Variants in SDK1 observed in about 807,000 individuals in gnomAD.
SDK1 encodes the protein protein sidekick-1.
A neutral mutation model predicts 245.5 loss-of-function variants in SDK1; 157 were observed. That is an observed-to-expected ratio of 0.64 (90% confidence interval 0.56 to 0.73). The LOEUF is 0.73. Among genes scored for constraint, SDK1 ranks in the 30% least tolerant of loss-of-function variants. The pLI, the probability that SDK1 is intolerant of heterozygous loss-of-function variation, is 0.00. For synonymous variants in SDK1, 1,647 were observed against 1,278.5 expected (o/e 1.29, Z -6.15); for missense variants, 3,583 against 3,002.3 (o/e 1.19, Z -4.52).
intron 4 of SDK1, among the ~76,000 whole-genome samples, chr7:3,775,033 G>C (rs187364612): frequency 6.6e-6 from 1 of 152,176 alleles, no homozygotes; most frequent in African/African-American, 2.4e-5. Context: ...GGCGCTGATC[G>C]ATGGCAGGGT....
intron 1 of SDK1, among the ~76,000 whole-genome samples, chr7:3,444,665 T>A (rs923618330): frequency 1.3e-5 from 2 of 152,320 alleles, no homozygotes; most frequent in Non-Finnish European, 2.9e-5. Flanking sequence ...TATATTTCTT[T>A]TCAACAGTCA....
chr7:3,639,805 A>C (rs1782593558), intron 3 of SDK1, among the ~76,000 whole-genome samples: 1 of 151,878 alleles, frequency 6.6e-6, no homozygotes, highest in Non-Finnish European at 1.5e-5. Flanking sequence ...TATATATAAT[A>C]GAGACATAAC....
intron 17 of SDK1, among the ~76,000 whole-genome samples, chr7:4,034,997 G>A (rs1788109934): frequency 6.6e-6 from 1 of 152,056 alleles, no homozygotes; most frequent in African/African-American, 2.4e-5. Context: ...ATTTTTTTTG[G>A]AGACGGAGTC....
intron 1 of SDK1, among the ~76,000 whole-genome samples, chr7:3,434,640 A>C (rs192079288): frequency 6.6e-6 from 1 of 152,306 alleles, no homozygotes; most frequent in Admixed American, 6.5e-5. Flanking sequence ...TAAGTAACCA[A>C]GCTGGGGTTT....
intron 1 of SDK1, among the ~76,000 whole-genome samples, chr7:3,447,688 A>T (rs7779688): frequency 0.75 from 109,995 of 146,158 alleles, 41,628 homozygotes; most frequent in African/African-American, 0.83. Context: ...TAAATATCTT[A>T]GCTTATATAT....
intron 1 of SDK1, among the ~76,000 whole-genome samples, chr7:3,394,300 A>G (rs564462382): frequency 3.3e-5 from 5 of 152,144 alleles, no homozygotes; most frequent in East Asian, 1.9e-4. Flanking sequence ...CGTATTATCT[A>G]TTCCCTAGTG....
At chr7:4,010,087 G>A (rs963071297) in intron 14 of SDK1, among the ~76,000 whole-genome samples, 7 of 152,312 alleles carry the variant, frequency 4.6e-5, no homozygotes, top group East Asian at 1.9e-4. Context: ...TCAGGTCAGC[G>A]AGACAGCTCG....
intron 35 of SDK1, among the ~76,000 whole-genome samples, chr7:4,195,106 C>T (rs1306759816): frequency 2.0e-5 from 3 of 152,044 alleles, no homozygotes; most frequent in East Asian, 1.9e-4. Flanking sequence ...ATATAATAAT[C>T]GTATACATTT....
chr7:3,901,273 G>A (rs553224201), intron 5 of SDK1, among the ~76,000 whole-genome samples: 1 of 151,546 alleles, frequency 6.6e-6, no homozygotes. Context: ...TGCAACCTCC[G>A]CCTCCCGGGT....
At chr7:3,797,176 T>C (rs115417770) in intron 4 of SDK1, among the ~76,000 whole-genome samples, 1,598 of 152,014 alleles carry the variant, frequency 0.011, 22 homozygotes, top group African/African-American at 0.031. Context: ...CTGGCTAATT[T>C]TTAAATTTTC....
intron 25 of SDK1, among the ~76,000 whole-genome samples, chr7:4,123,397 G>C (rs1784190145): frequency 6.6e-6 from 1 of 151,834 alleles, no homozygotes; most frequent in African/African-American, 2.4e-5. Context: ...TCAAACTTTT[G>C]TATAAAATGA....
At chr7:3,850,860 G>T (rs547268829) in intron 5 of SDK1, among the ~76,000 whole-genome samples, 107 of 151,146 alleles carry the variant, frequency 7.1e-4, no homozygotes, top group Non-Finnish European at 1.4e-3. Flanking sequence ...GCCTGTTGTG[G>T]GGTAGGGGGA....
intron 1 of SDK1, among the ~76,000 whole-genome samples, chr7:3,305,691 G>C (rs1364182834): frequency 1.3e-5 from 2 of 152,180 alleles, no homozygotes; most frequent in African/African-American, 2.4e-5. Context: ...TGAGTGCTCA[G>C]ATAGTTAATT....
intron 38 of SDK1, among the ~76,000 whole-genome samples, chr7:4,216,344 C>T (rs551286092): frequency 6.6e-6 from 1 of 152,284 alleles, no homozygotes; most frequent in African/African-American, 2.4e-5. Context: ...CAGACTGGCC[C>T]CGCCCCACGG....
intron 22 of SDK1, among the ~76,000 whole-genome samples, chr7:4,107,117 G>A (rs1440437153): frequency 8.3e-6 from 1 of 119,988 alleles, no homozygotes; most frequent in Non-Finnish European, 1.8e-5. Flanking sequence ...CATCCAGGGT[G>A]GGGAGGGTGG....
At chr7:3,360,602 GT>G (rs1266690145) in intron 1 of SDK1, among the ~76,000 whole-genome samples, 1 of 152,146 alleles carries the variant, frequency 6.6e-6, no homozygotes, top group Non-Finnish European at 1.5e-5. Flanking sequence ...TTTCCCAGGT[GT>G]TTTAAATTTT....
intron 1 of SDK1, 89 bp downstream of exon 1, chr7:3,301,973 C>G (rs1321768641): frequency 5.1e-6 from 5 of 975,512 alleles, no homozygotes; most frequent in Admixed American, 1.1e-4. Flanking sequence ...CGGGGTCCCC[C>G]CGCTTCCCGG....
chr7:4,101,243 A>G (rs1441236641), intron 22 of SDK1, among the ~76,000 whole-genome samples: 2 of 150,082 alleles, frequency 1.3e-5, no homozygotes, highest in African/African-American at 2.5e-5. Flanking sequence ...CCGGGTTCAC[A>G]CCATTCTCCT....
intron 35 of SDK1, among the ~76,000 whole-genome samples, chr7:4,192,188 G>A (rs1012424723): frequency 6.6e-6 from 1 of 152,216 alleles, no homozygotes; most frequent in African/African-American, 2.4e-5. Context: ...GAAGGTTTGG[G>A]GCAGCCCTGC....
Sources: allele counts gnomAD v4.1 joint callset (sites outside exome capture counted in the v4.1 genomes callset), GRCh38; gene constraint gnomAD v4.1.1; transcripts MANE v1.5; gene names NCBI Gene and HGNC (gene_info 2026-07-23, HGNC 2026-07-21).